Variants in SERPING1 observed in about 807,000 individuals in gnomAD.
SERPING1 encodes the protein serpin family G member 1.
SERPING1 carries 5 observed loss-of-function variants against 34.1 expected under a neutral mutation model. The observed-to-expected ratio is 0.15, with a 90% CI of 0.08 to 0.31. The LOEUF (loss-of-function observed/expected upper bound fraction) is 0.31, where lower values mean the gene tolerates loss of function less well. Among genes scored for constraint, SERPING1 ranks in the 10% least tolerant of loss-of-function variants. The pLI, the probability that SERPING1 is intolerant of heterozygous loss-of-function variation, is 1.00. For missense variants in SERPING1, 505 were observed against 609.5 expected (o/e 0.83, Z 1.81); for synonymous variants, 225 against 242.4 (o/e 0.93, Z 0.67).
intron 7 of SERPING1, among the ~76,000 whole-genome samples, chr11:57,613,037 G>A (rs1158452778): frequency 1.3e-5 from 2 of 152,184 alleles, no homozygotes; most frequent in African/African-American, 4.8e-5. Flanking sequence ...GTGAGCCACT[G>A]TGCCCAGCCT....
Position 57,606,495 on chromosome 11 carries a change from A to G in SERPING1, c.977A>G (p.Asn326Ser). ...TCAGTTATAAAAGTGCCCATGATGAATAGCAAGAAGTACCCTGTGGCCCAT... is the reference window on the plus strand; with the variant it reads ...TCAGTTATAAAAGTGCCCATGATGAGTAGCAAGAAGTACCCTGTGGCCCAT... ...KNSVIKVPMMNSKKYPVAHFI... is the reference protein window; with the variant it reads ...KNSVIKVPMMSSKKYPVAHFI... Residue 326 changes from asparagine to serine, a missense_variant, in exon 6 of 8, where the codon AAT becomes AGT. Asn to Ser is a conservative substitution (Grantham distance 46). Coordinates refer to ENST00000278407, the MANE Select transcript of SERPING1 (RefSeq NM_000062.3). The G allele has an allele frequency of 6.2e-7, 1 of 1,614,210 alleles. No individual in the cohort carries two copies. The highest frequency in any genetic ancestry group is 1.1e-5 in the South Asian group (1 of 91,090).
intron 4 of SERPING1, among the ~76,000 whole-genome samples, chr11:57,605,000 C>T (rs1041212150): frequency 2.0e-5 from 3 of 150,010 alleles, no homozygotes; most frequent in Admixed American, 6.6e-5. Flanking sequence ...GACCCTGTCT[C>T]TAAAAAAAAA....
chr11:57,602,026 T>G lies in SERPING1; in HGVS notation c.551-9T>G. The G allele has an allele frequency of 6.2e-7, 1 of 1,614,076 alleles. No homozygotes were observed. The highest frequency in any genetic ancestry group is 8.5e-7 in the Non-Finnish European group (1 of 1,180,012). On this transcript the variant is annotated splice_polypyrimidine_tract_variant and intron_variant, in intron 3 of 7. Coordinates refer to ENST00000278407, the MANE Select transcript of SERPING1 (RefSeq NM_000062.3). Reference sequence around the variant, plus strand: ...TGCAAGTATCTTTCATCTCTGCCCTTTGTTGCAGGGGCTGGGGAGAACACC... The same window carrying G: ...TGCAAGTATCTTTCATCTCTGCCCTGTGTTGCAGGGGCTGGGGAGAACACC...
At chr11:57,599,525 T>C (rs1945323788) in intron 2 of SERPING1, among the ~76,000 whole-genome samples, 1 of 152,154 alleles carries the variant, frequency 6.6e-6, no homozygotes, top group Non-Finnish European at 1.5e-5. Context: ...GTCAAACAGG[T>C]AGATATTTAC....
In SERPING1 at chr11:57,606,210, A is replaced by C. The variant is rs2135317893; in HGVS notation, c.886A>C (p.Ser296Arg). Residue 296 changes from serine to arginine, a missense_variant, in exon 5 of 8, where the codon AGT becomes CGT. Ser to Arg is a moderately radical substitution (Grantham distance 110). Transcript: ENST00000278407. ...TGTCCTCCTCAATGCTATCTACCTG[A>C]GTGGTAAGGGTGCCCTTAGCCAGTT... Reference protein sequence around the residue: ...RLVLLNAIYLSAKWKTTFDPK... With the variant: ...RLVLLNAIYLRAKWKTTFDPK... The C allele has an allele frequency of 5.0e-6, 8 of 1,614,114 alleles. No individual in the cohort carries two copies. In the East Asian group the frequency reaches 1.8e-4, roughly 36 times the overall value.
chr11:57,610,374 G>T (rs1382519716), intron 6 of SERPING1, among the ~76,000 whole-genome samples: 1 of 152,152 alleles, frequency 6.6e-6, no homozygotes, highest in Admixed American at 6.6e-5. Flanking sequence ...TTTTTCTTCA[G>T]AGATTCAAGG....
At chr11:57,610,798 C>A (rs1250403205) in intron 6 of SERPING1, among the ~76,000 whole-genome samples, 1 of 152,238 alleles carries the variant, frequency 6.6e-6, no homozygotes, top group Non-Finnish European at 1.5e-5. Context: ...CCAGCTATGA[C>A]AACCAAAATG....
At chr11:57,599,298 C>T (rs1482363015) in intron 2 of SERPING1, among the ~76,000 whole-genome samples, 1 of 152,126 alleles carries the variant, frequency 6.6e-6, no homozygotes, top group Non-Finnish European at 1.5e-5. Flanking sequence ...TGCCAAATAT[C>T]CCCTGGGAGT....
intron 6 of SERPING1, among the ~76,000 whole-genome samples, chr11:57,609,304 T>C (rs980974354): frequency 6.7e-6 from 1 of 149,844 alleles, no homozygotes; most frequent in African/African-American, 2.5e-5. Context: ...ATAGGCTGGG[T>C]ACAGTGGCTC....
At position 57,611,305 on chromosome 11, in the gene SERPING1, T is replaced by C. The variant is rs1407776992; in HGVS notation, c.1030-412T>C. On this transcript the variant is annotated intron_variant, in intron 6 of 7. Transcript: ENST00000278407. ...AATGCCATACTAAGATTTGTACTTA[T>C]TCTCATAGGCAGTGAAGAGCCATCA... 3 of 256,824 alleles carry C rather than the reference T, an allele frequency of 1.2e-5. No homozygotes were observed. The East Asian group carries it at 2.7e-4, about 23-fold the overall frequency. 15.9% of individuals were successfully genotyped at this position (256,824 alleles called of 1,614,324 possible).
chr11:57,614,302 T>G, intron 7 of SERPING1, 26 bp from the exon 8 acceptor site: 1 of 1,612,072 alleles, frequency 6.2e-7, no homozygotes, highest in Non-Finnish European at 8.5e-7. Flanking sequence ...GGCTTCTGAC[T>G]CTGTTTTTCT....
chr11:57,607,626 A>T lies in SERPING1; in HGVS notation c.1029+1079A>T, dbSNP rs553003624. Among the ~76,000 whole-genome samples, 3 of 152,268 alleles carry T rather than the reference A, an allele frequency of 2.0e-5. No individual in the cohort carries two copies. The East Asian group carries it at 5.8e-4, about 29-fold the overall frequency. Reference sequence around the variant, plus strand: ...ATGAATGAAATAGAGGGTGCCAAAGAGAGCTACTCAGTAAAAGTGGCTGGA... The same window carrying T: ...ATGAATGAAATAGAGGGTGCCAAAGTGAGCTACTCAGTAAAAGTGGCTGGA... On this transcript the variant is annotated intron_variant, in intron 6 of 7. Transcript: ENST00000278407.
chr11:57,598,465 C>A (rs1945312717), intron 2 of SERPING1, 144 bp downstream of exon 2: 4 of 782,264 alleles, frequency 5.1e-6, no homozygotes, highest in Non-Finnish European at 8.3e-6. Flanking sequence ...GTGATCCTTG[C>A]ACACGCACTC....
chr11:57,606,417 A>G lies in SERPING1; in HGVS notation c.899A>G (p.Lys300Arg), dbSNP rs755095483. Residue 300 changes from lysine (K) to arginine (R), a missense_variant, in exon 6 of 8, where the codon AAG becomes AGG. Coordinates refer to ENST00000278407, the MANE Select transcript of SERPING1 (RefSeq NM_000062.3). ...LNAIYLSAKWKTTFDPKKTRM... is the reference protein window; with the variant it reads ...LNAIYLSAKWRTTFDPKKTRM... ...CACCTCTTCCCTCTAGCCAAGTGGA[A>G]GACAACATTTGATCCCAAGAAAACC... 1 of 1,614,078 alleles carries G rather than the reference A, an allele frequency of 6.2e-7. No homozygotes were observed. The highest frequency in any genetic ancestry group is 8.5e-7 in the Non-Finnish European group (1 of 1,180,056).
chr11:57,601,956 C>T, intron 3 of SERPING1, 79 bp from the exon 4 acceptor site: 1 of 1,553,672 alleles, frequency 6.4e-7, no homozygotes, highest in Non-Finnish European at 8.8e-7. Flanking sequence ...TCCATTCCAG[C>T]CTGGTCCCCA....
At position 57,599,080 on chromosome 11, in the gene SERPING1, G is replaced by A. The variant is rs138096882; in HGVS notation, c.51+759G>A. Among the ~76,000 whole-genome samples the A allele has an allele frequency of 5.9e-5, 9 of 152,122 alleles. No homozygotes were observed. The East Asian group carries it at 1.5e-3, about 26-fold the overall frequency. On this transcript the variant is annotated intron_variant, in intron 2 of 7. Transcript: ENST00000278407. ...GACCCTGGACTAGTTAATATGTGTC[G>A]GTATGAGTTTCTCTACCTGTGAAAT...
At chr11:57,598,227 C>G in intron 1 of SERPING1, 22 bp from the exon 2 acceptor site, 1 of 1,535,940 alleles carries the variant, frequency 6.5e-7, no homozygotes, top group Non-Finnish European at 8.8e-7. Flanking sequence ...GGAGCTGGCT[C>G]CGAGGCTGGC....
chr11:57,612,358 T>A (rs1945486955), intron 7 of SERPING1, among the ~76,000 whole-genome samples: 1 of 151,962 alleles, frequency 6.6e-6, no homozygotes, highest in South Asian at 2.1e-4. Context: ...GAAGTGCAGA[T>A]CTGGAGGCTT....
Position 57,614,374 on chromosome 11 carries a change from G to A in SERPING1, c.1296G>A (p.Glu432=), listed in dbSNP as rs1251315927. ...SYDLNLCGLT[E]DPDLQVSAMQ... is the part of the protein sequence containing the mutation. ...ACCTTAACCTGTGTGGGCTGACAGA[G>A]GACCCAGATCTTCAGGTTTCTGCGA... The change falls in exon 8 of 8, where the codon GAG becomes GAA. Residue 432 remains glutamate (E), a synonymous_variant. Coordinates refer to ENST00000278407, the MANE Select transcript of SERPING1 (RefSeq NM_000062.3). The A allele has an allele frequency of 1.1e-5, 17 of 1,614,084 alleles. No homozygotes were observed. The highest frequency in any genetic ancestry group is 1.7e-5 in the Admixed American group (1 of 60,020).
Sources: gnomAD v4.1 joint callset for allele counts (sites outside exome capture counted in the v4.1 genomes callset) on GRCh38, gnomAD v4.1.1 for gene constraint, MANE v1.5 for transcripts, NCBI Gene and HGNC (gene_info 2026-07-23, HGNC 2026-07-21) for gene names.